The following ZNF732 variants were observed in gnomAD, a reference collection of about 807,000 sequenced individuals.
The protein encoded by ZNF732 is zinc finger protein 732.
ZNF732 carries 12 observed loss-of-function variants against 11.5 expected under a neutral mutation model. That is an observed-to-expected ratio of 1.05 (90% CI 0.67 to 1.70). ZNF732 has a LOEUF of 1.70. Ranked by LOEUF, ZNF732 falls within the 40% of genes most tolerant of loss-of-function variation. ZNF732 has a pLI of 0.00. For synonymous variants in ZNF732, 231 were observed against 236.5 expected, an observed-to-expected ratio of 0.98 and a Z score of 0.21; for missense variants, 702 against 676.9, an observed-to-expected ratio of 1.04 and a Z score of -0.41.
chr4:299,391 G>GTGTGTATATATATACACATATA (rs1343524347), intron 1 of ZNF732, among the ~76,000 whole-genome samples: 3 of 30,752 alleles, frequency 9.8e-5, no homozygotes, highest in African/African-American at 2.9e-4. Context: ...ATACACATAT[G>GTGTGTATATATATACACATATA]TACACATATG....
chr4:295,601 A>T (rs576690506), intron 2 of ZNF732, 68 bp from the exon 3 acceptor site: 41 of 1,271,168 alleles, frequency 3.2e-5, no homozygotes, highest in Non-Finnish European at 4.4e-5. Context: ...ATACTATACT[A>T]AGTAGAAAAG....
intron 1 of ZNF732, among the ~76,000 whole-genome samples, chr4:303,781 G>C (rs1720169155): frequency 6.6e-5 from 10 of 152,212 alleles, no homozygotes; most frequent in Admixed American, 6.5e-4. Context: ...ACTAACGTCT[G>C]AATTCTCGCA....
intron 3 of ZNF732, among the ~76,000 whole-genome samples, chr4:276,539 G>A (rs1490069683): frequency 6.6e-6 from 1 of 151,754 alleles, no homozygotes; most frequent in Non-Finnish European, 1.5e-5. Context: ...ACAAAGACAT[G>A]TTCAATGTTG....
At chr4:289,491 A>C (rs929445331) in intron 3 of ZNF732, among the ~76,000 whole-genome samples, 1 of 152,258 alleles carries the variant, frequency 6.6e-6, no homozygotes, top group Non-Finnish European at 1.5e-5. Flanking sequence ...TCTGATTACC[A>C]GAAGTTTTAC....
At chr4:288,328 G>A (rs1478623137) in intron 3 of ZNF732, among the ~76,000 whole-genome samples, 6 of 152,174 alleles carry the variant, frequency 3.9e-5, no homozygotes, top group Non-Finnish European at 5.9e-5. Context: ...TGAGACCAAC[G>A]TCATAGTCTC....
chr4:295,974 G>A, intron 2 of ZNF732, 55 bp downstream of exon 2: 1 of 1,571,226 alleles, frequency 6.4e-7, no homozygotes. Context: ...TACAAAAATA[G>A]AAAATAAAAC....
At chr4:304,781 G>A (rs782724996) in intron 1 of ZNF732, among the ~76,000 whole-genome samples, 8 of 152,208 alleles carry the variant, frequency 5.3e-5, no homozygotes, top group East Asian at 1.9e-4. Context: ...CAGGGCAAGG[G>A]GACTGGTGGG....
intron 3 of ZNF732, among the ~76,000 whole-genome samples, chr4:291,335 G>C (rs1196655556): frequency 7.9e-5 from 12 of 152,098 alleles, no homozygotes; most frequent in African/African-American, 2.9e-4. Flanking sequence ...ACATGCCTTG[G>C]CCTCTGAAAG....
rs1334602472 is a variant in ZNF732, at chr4:278,334, GTTAA to G, written c.227-5708_227-5705del. Among the ~76,000 whole-genome samples, 9 of 152,282 alleles carry G rather than the reference GTTAA, an allele frequency of 5.9e-5. No individual in the cohort carries two copies. The East Asian group carries it at 1.5e-3, about 26-fold the overall frequency. ...GGACTTTACATATTTACACATGCATGTTAATTATTATTTGCAAAAGACAATTCCT... is the reference window on the plus strand; with the variant it reads ...GGACTTTACATATTTACACATGCATGTTATTATTTGCAAAAGACAATTCCT... On this transcript the variant is annotated intron_variant, in intron 3 of 3. Coordinates refer to ENST00000419098, the MANE Select transcript of ZNF732 (RefSeq NM_001137608.3).
chr4:291,044 T>TA (rs1719833504), intron 3 of ZNF732, among the ~76,000 whole-genome samples: 1 of 152,188 alleles, frequency 6.6e-6, no homozygotes, highest in South Asian at 2.1e-4. Context: ...CTTAACATAT[T>TA]ACCAAATGTA....
chr4:290,259 A>C (rs1434641921), intron 3 of ZNF732, among the ~76,000 whole-genome samples: 24 of 152,234 alleles, frequency 1.6e-4, no homozygotes, highest in Non-Finnish European at 1.5e-5. Context: ...CAGGTGGCCA[A>C]CTCAAGAGCC....
chr4:299,437 A>ATATATATATACACATATGTG (rs1560165205), intron 1 of ZNF732, among the ~76,000 whole-genome samples: 244 of 11,918 alleles, frequency 0.02, 16 homozygotes, highest in East Asian at 0.1. Flanking sequence ...ACATATGTGT[A>ATATATATATACACATATGTG]TATATATATA....
chr4:295,592 T>C, intron 2 of ZNF732, 59 bp from the exon 3 acceptor site: 1 of 1,349,520 alleles, frequency 7.4e-7, no homozygotes, highest in Non-Finnish European at 1.0e-6. Flanking sequence ...ACCTACCTAA[T>C]ACTATACTAA....
intron 1 of ZNF732, among the ~76,000 whole-genome samples, chr4:297,512 A>G (rs1245533101): frequency 6.6e-6 from 1 of 151,718 alleles, no homozygotes; most frequent in African/African-American, 2.4e-5. Flanking sequence ...TTAAAGGTAT[A>G]GAATAACCGG....
chr4:289,943 C>T (rs1719806496), intron 3 of ZNF732, among the ~76,000 whole-genome samples: 1 of 152,156 alleles, frequency 6.6e-6, no homozygotes, highest in Non-Finnish European at 1.5e-5. Flanking sequence ...CATGAAAAAA[C>T]TCAAACATCC....
At chr4:284,663 G>A (rs769181536) in intron 3 of ZNF732, among the ~76,000 whole-genome samples, 84 of 151,876 alleles carry the variant, frequency 5.5e-4, no homozygotes, top group East Asian at 1.2e-3. Flanking sequence ...ACGAGATCAG[G>A]CAATCAAGAC....
At chr4:290,657 C>T (rs1719826921) in intron 3 of ZNF732, among the ~76,000 whole-genome samples, 1 of 152,188 alleles carries the variant, frequency 6.6e-6, no homozygotes, top group Admixed American at 6.5e-5. Context: ...GTTATTTGGG[C>T]CATCATATAC....
chr4:300,976 CAA>C (rs1447904097), intron 1 of ZNF732, among the ~76,000 whole-genome samples: 2 of 152,042 alleles, frequency 1.3e-5, no homozygotes, highest in East Asian at 1.9e-4. Context: ...ACTCATCTGA[CAA>C]AGAGCTAATA....
At chr4:304,990 C>A (rs1720200465) in intron 1 of ZNF732, among the ~76,000 whole-genome samples, 2 of 151,726 alleles carry the variant, frequency 1.3e-5, no homozygotes, top group Non-Finnish European at 3.0e-5. Context: ...AGGGACTCGA[C>A]GACCGGACCA....
Sources: allele counts gnomAD v4.1 joint callset (sites outside exome capture counted in the v4.1 genomes callset), GRCh38; gene constraint gnomAD v4.1.1; transcripts MANE v1.5; gene names NCBI Gene and HGNC (gene_info 2026-07-23, HGNC 2026-07-21).